The following CDH13 variants were observed in gnomAD, a reference collection of about 807,000 sequenced individuals.
CDH13 encodes the protein cadherin-13.
A neutral mutation model predicts 63.8 loss-of-function variants in CDH13; 24 were observed. That is an observed-to-expected ratio of 0.38 (90% confidence interval 0.27 to 0.53). The LOEUF (loss-of-function observed/expected upper bound fraction) is 0.53, where lower values mean the gene tolerates loss of function less well. Ranked by LOEUF, CDH13 falls within the 20% of genes least tolerant of loss-of-function variation. The pLI is 0.85. For missense variants in CDH13, 1,049 were observed against 903.1 expected, an observed-to-expected ratio of 1.16 and a Z score of -2.07; for synonymous variants, 503 against 355.3, an observed-to-expected ratio of 1.42 and a Z score of -4.67.
intron 2 of CDH13, among the ~76,000 whole-genome samples, chr16:82,940,806 G>T (rs1042460243): frequency 4.6e-5 from 7 of 152,144 alleles, no homozygotes; most frequent in African/African-American, 1.7e-4. Flanking sequence ...CCTTATTTGA[G>T]CTCTTGTCCC....
At chr16:82,882,353 C>A (rs537697022) in intron 2 of CDH13, among the ~76,000 whole-genome samples, 1 of 152,304 alleles carries the variant, frequency 6.6e-6, no homozygotes, top group East Asian at 1.9e-4. Flanking sequence ...AAGAGTCACT[C>A]ACTTCCTGAA....
chr16:83,181,082 C>G, intron 4 of CDH13: 8 of 1,314,726 alleles, frequency 6.1e-6, no homozygotes, highest in Non-Finnish European at 8.1e-6. Flanking sequence ...AATAAATTGT[C>G]CTGTTGACTG....
intron 1 of CDH13, among the ~76,000 whole-genome samples, chr16:82,784,384 C>T (rs1182556437): frequency 6.6e-6 from 1 of 152,144 alleles, no homozygotes; most frequent in African/African-American, 2.4e-5. Flanking sequence ...AATGACCACA[C>T]CTACCAGCAA....
At chr16:83,038,127 A>G (rs775335873) in intron 3 of CDH13, among the ~76,000 whole-genome samples, 4 of 152,200 alleles carry the variant, frequency 2.6e-5, no homozygotes, top group Non-Finnish European at 4.4e-5. Flanking sequence ...TGCTCATTTC[A>G]TGTCACTGTG....
At chr16:83,232,474 A>G (rs555690112) in intron 5 of CDH13, among the ~76,000 whole-genome samples, 1 of 151,756 alleles carries the variant, frequency 6.6e-6, no homozygotes, top group East Asian at 1.9e-4. Flanking sequence ...GCAGTGAGCC[A>G]AGATTGCGCC....
At chr16:82,813,150 T>C (rs1294472421) in intron 1 of CDH13, among the ~76,000 whole-genome samples, 1 of 152,076 alleles carries the variant, frequency 6.6e-6, no homozygotes, top group South Asian at 2.1e-4. Flanking sequence ...GAAATTCAGG[T>C]GTTCAGTTGA....
At chr16:83,256,052 G>A (rs557095388) in intron 5 of CDH13, among the ~76,000 whole-genome samples, 4 of 151,936 alleles carry the variant, frequency 2.6e-5, no homozygotes, top group African/African-American at 9.7e-5. Flanking sequence ...TTTTTTTCTT[G>A]AGACAGGGTC....
chr16:82,861,027 T>C (rs1027628881), intron 2 of CDH13, among the ~76,000 whole-genome samples: 2 of 152,148 alleles, frequency 1.3e-5, no homozygotes, highest in Non-Finnish European at 2.9e-5. Flanking sequence ...GAGTGAAGTG[T>C]GCTATCAAAT....
chr16:83,129,981 A>T (rs1182954964), intron 4 of CDH13, among the ~76,000 whole-genome samples: 3 of 152,160 alleles, frequency 2.0e-5, no homozygotes, highest in Non-Finnish European at 4.4e-5. Flanking sequence ...CTCCATTAAT[A>T]AGTAGTTCCT....
chr16:83,031,916 T>C (rs541667190), intron 2 of CDH13, 94 bp from the exon 3 acceptor site: 7 of 972,274 alleles, frequency 7.2e-6, no homozygotes, highest in African/African-American at 4.9e-5. Flanking sequence ...GTTGGGAAAC[T>C]ATGTGGTAAT....
chr16:83,772,868 A>C (rs1228943928), intron 11 of CDH13: 2 of 152,282 alleles, frequency 1.3e-5, no homozygotes, highest in Non-Finnish European at 2.9e-5. Flanking sequence ...TGAACATGTC[A>C]AAGAAAAATG....
chr16:82,630,372 C>G (rs764056416), intron 1 of CDH13, among the ~76,000 whole-genome samples: 1 of 152,112 alleles, frequency 6.6e-6, no homozygotes, highest in Admixed American at 6.5e-5. Context: ...TAATAAACTG[C>G]AAAGCTGAGT....
At chr16:83,145,036 C>T (rs1388544534) in intron 4 of CDH13, among the ~76,000 whole-genome samples, 3 of 150,758 alleles carry the variant, frequency 2.0e-5, no homozygotes, top group Admixed American at 1.3e-4. Flanking sequence ...GCTATGTTGC[C>T]ACTTGCCCTT....
intron 7 of CDH13, among the ~76,000 whole-genome samples, chr16:83,575,357 A>G (rs1001961315): frequency 6.6e-6 from 1 of 152,238 alleles, no homozygotes; most frequent in Non-Finnish European, 1.5e-5. Flanking sequence ...AAAAACAAAA[A>G]GTGTCCCACA....
chr16:83,320,674 G>C (rs935869223), intron 5 of CDH13, among the ~76,000 whole-genome samples: 1 of 152,154 alleles, frequency 6.6e-6, no homozygotes, highest in African/African-American at 2.4e-5. Flanking sequence ...AGTGCTGCAA[G>C]TCAAAAAAGG....
At chr16:83,630,068 G>A (rs902983727) in intron 8 of CDH13, among the ~76,000 whole-genome samples, 6 of 152,154 alleles carry the variant, frequency 3.9e-5, no homozygotes, top group South Asian at 2.1e-4. Flanking sequence ...GATTCATCTC[G>A]GGTTGGCAAA....
intron 10 of CDH13, among the ~76,000 whole-genome samples, chr16:83,711,369 G>C (rs1882767538): frequency 6.6e-6 from 1 of 152,156 alleles, no homozygotes; most frequent in African/African-American, 2.4e-5. Context: ...AGTAGGAATT[G>C]GTTTATCTTG....
At chr16:83,050,839 G>A (rs112562787) in intron 3 of CDH13, among the ~76,000 whole-genome samples, 34 of 152,086 alleles carry the variant, frequency 2.2e-4, no homozygotes, top group African/African-American at 7.2e-4. Flanking sequence ...CTAAGTGCAC[G>A]GTTTCTTGCA....
intron 1 of CDH13, among the ~76,000 whole-genome samples, chr16:82,672,506 C>T (rs906928277): frequency 2.6e-5 from 4 of 152,024 alleles, no homozygotes; most frequent in African/African-American, 9.7e-5. Flanking sequence ...TTCTTGAAAT[C>T]ACCCGGATTC....
Sources: allele counts gnomAD v4.1 joint callset (sites outside exome capture counted in the v4.1 genomes callset), GRCh38; gene constraint gnomAD v4.1.1; transcripts MANE v1.5; gene names NCBI Gene and HGNC (gene_info 2026-07-23, HGNC 2026-07-21).